The following L3MBTL4 variants were observed in gnomAD, a reference collection of about 807,000 sequenced individuals.
L3MBTL4 encodes lethal(3)malignant brain tumor-like protein 4.
L3MBTL4 carries 70 observed loss-of-function variants against 84.5 expected under a neutral mutation model. That is an observed-to-expected ratio of 0.83 (90% CI 0.68 to 1.01). L3MBTL4 has a LOEUF of 1.01. Among genes scored for constraint, L3MBTL4 ranks in the 50% least tolerant of loss-of-function variants. The pLI is 0.00. For missense variants in L3MBTL4, 715 were observed against 754.8 expected (o/e 0.95, Z 0.62); for synonymous variants, 274 against 259.8 (o/e 1.05, Z -0.52).
intron 13 of L3MBTL4, among the ~76,000 whole-genome samples, chr18:6,140,510 C>G (rs925203681): frequency 2.0e-5 from 3 of 152,166 alleles, no homozygotes; most frequent in Non-Finnish European, 2.9e-5. Flanking sequence ...GGCCTGCACC[C>G]TCAGCCCTGC....
chr18:6,279,917 TTGACTC>T (rs556220593), intron 4 of L3MBTL4, among the ~76,000 whole-genome samples: 176 of 152,346 alleles, frequency 1.2e-3, no homozygotes, highest in African/African-American at 3.4e-3. Flanking sequence ...TTTCATTAAT[TTGACTC>T]TGTGAGTCAG....
chr18:6,382,915 C>T (rs1014005772), intron 1 of L3MBTL4, among the ~76,000 whole-genome samples: 1 of 152,212 alleles, frequency 6.6e-6, no homozygotes, highest in Non-Finnish European at 1.5e-5. Flanking sequence ...GCACCCACAG[C>T]TGCCCCTTCC....
At chr18:6,351,927 C>A (rs772778522) in intron 1 of L3MBTL4, among the ~76,000 whole-genome samples, 1 of 151,934 alleles carries the variant, frequency 6.6e-6, no homozygotes, top group Non-Finnish European at 1.5e-5. Flanking sequence ...CTCAAGCAAT[C>A]CTCCTGCCTC....
rs2047231481 is a variant in L3MBTL4 at position 6,236,742 on chromosome 18, T to C, written c.784+1222A>G. Among the ~76,000 whole-genome samples, 4 of 152,354 alleles carry C rather than the reference T, an allele frequency of 2.6e-5. No homozygotes were observed. The South Asian group carries it at 8.3e-4, about 32-fold the overall frequency. On this transcript the variant is annotated intron_variant, in intron 10 of 18. Transcript: ENST00000317931. The stretch of plus-strand genomic sequence containing the variant: ...AAAATTTAAGGTGTTAAATATTTCA[T>C]AAACCTTTCTAGACCAAACAGGCAT...
intron 16 of L3MBTL4, among the ~76,000 whole-genome samples, chr18:6,015,965 T>G (rs1008393785): frequency 1.3e-5 from 2 of 151,800 alleles, no homozygotes; most frequent in South Asian, 2.1e-4. Context: ...GTCTCAAAAA[T>G]AAAAAAGAAA....
At chr18:6,293,454 GC>G (rs1381865369) in intron 4 of L3MBTL4, among the ~76,000 whole-genome samples, 1 of 151,334 alleles carries the variant, frequency 6.6e-6, no homozygotes, top group Non-Finnish European at 1.5e-5. Context: ...GACAACCTTA[GC>G]ACCAAAATAA....
intron 16 of L3MBTL4, among the ~76,000 whole-genome samples, chr18:5,983,041 A>G (rs957579748): frequency 6.6e-6 from 1 of 152,184 alleles, no homozygotes; most frequent in Admixed American, 6.5e-5. Context: ...TACTCCTACC[A>G]TGGACAGTAA....
intron 1 of L3MBTL4, among the ~76,000 whole-genome samples, chr18:6,375,722 G>A (rs1568573201): frequency 1.3e-5 from 2 of 152,266 alleles, no homozygotes; most frequent in Middle Eastern, 3.4e-3. Flanking sequence ...CAGTCAGGAT[G>A]AGAAATAGAG....
At chr18:6,035,253 G>C (rs1364438672) in intron 16 of L3MBTL4, among the ~76,000 whole-genome samples, 1 of 151,992 alleles carries the variant, frequency 6.6e-6, no homozygotes, top group African/African-American at 2.4e-5. Context: ...TAATGCCTAG[G>C]TTTTCTTCTA....
chr18:5,995,921 A>G (rs1239213421), intron 16 of L3MBTL4, among the ~76,000 whole-genome samples: 1 of 152,232 alleles, frequency 6.6e-6, no homozygotes, highest in Non-Finnish European at 1.5e-5. Flanking sequence ...TTTCCATGAA[A>G]AAAGGGCAGG....
Position 6,389,420 on chromosome 18 carries a change from A to C in L3MBTL4, c.-91+25381T>G, listed in dbSNP as rs1316114124. Among the ~76,000 whole-genome samples, 3 of 152,218 alleles carry C rather than the reference A, an allele frequency of 2.0e-5. No homozygotes were observed. In the South Asian group the frequency reaches 6.2e-4, roughly 32 times the overall value. On this transcript the variant is annotated intron_variant, in intron 1 of 18. Transcript: ENST00000317931. ...ACAAAGTAGCTATGTAATAATTAAC[A>C]TGATGACTGGAACAATACATCACAT...
intron 4 of L3MBTL4, among the ~76,000 whole-genome samples, chr18:6,264,985 A>C (rs73385959): frequency 1.1e-3 from 164 of 152,384 alleles, no homozygotes; most frequent in African/African-American, 3.6e-3. Context: ...ATGCCCTTTC[A>C]AAACCAGCCA....
chr18:6,001,666 G>A (rs1329099195), intron 16 of L3MBTL4, among the ~76,000 whole-genome samples: 1 of 152,126 alleles, frequency 6.6e-6, no homozygotes, highest in Non-Finnish European at 1.5e-5. Context: ...AAATTCACTA[G>A]AGGGATACTA....
intron 14 of L3MBTL4, among the ~76,000 whole-genome samples, chr18:6,110,449 A>T (rs2059154703): frequency 6.6e-6 from 1 of 151,054 alleles, no homozygotes; most frequent in African/African-American, 2.4e-5. Flanking sequence ...ATACATGTGT[A>T]TGTGGGGGGT....
intron 16 of L3MBTL4, among the ~76,000 whole-genome samples, chr18:6,038,536 A>G (rs1024827247): frequency 2.6e-5 from 4 of 152,040 alleles, no homozygotes; most frequent in Admixed American, 1.3e-4. Context: ...TTACAGGCAT[A>G]AGCCACTGCA....
intron 4 of L3MBTL4, among the ~76,000 whole-genome samples, chr18:6,280,097 C>T (rs1187387064): frequency 6.6e-6 from 1 of 152,172 alleles, no homozygotes; most frequent in Non-Finnish European, 1.5e-5. Context: ...CCTTTCAAAA[C>T]ACTAGTCATT....
chr18:6,056,700 CCA>C (rs1195093299), intron 16 of L3MBTL4, among the ~76,000 whole-genome samples: 8 of 152,202 alleles, frequency 5.3e-5, no homozygotes, highest in African/African-American at 1.9e-4. Flanking sequence ...TTCCGTGAAA[CCA>C]CACAGTCAGT....
intron 15 of L3MBTL4, among the ~76,000 whole-genome samples, chr18:6,089,389 A>C (rs2058365575): frequency 1.3e-5 from 2 of 152,154 alleles, no homozygotes; most frequent in African/African-American, 4.8e-5. Context: ...TATTATTATT[A>C]AACTTTAAGT....
chr18:6,090,108 G>A (rs574782003), intron 15 of L3MBTL4, among the ~76,000 whole-genome samples: 7 of 152,238 alleles, frequency 4.6e-5, no homozygotes, highest in East Asian at 1.9e-4. Context: ...AATGCACCAC[G>A]AATGTAATAC....
Sources: gnomAD v4.1 joint callset for allele counts (sites outside exome capture counted in the v4.1 genomes callset) on GRCh38, gnomAD v4.1.1 for gene constraint, MANE v1.5 for transcripts, NCBI Gene and HGNC (gene_info 2026-07-23, HGNC 2026-07-21) for gene names.